The following MAP4K5 variants were observed in gnomAD, a reference collection of about 807,000 sequenced individuals.
MAP4K5 encodes the protein mitogen-activated protein kinase kinase kinase kinase 5.
MAP4K5 carries 82 observed loss-of-function variants against 135.6 expected under a neutral mutation model. The ratio of observed to expected loss-of-function variants is 0.60; its 90% CI spans 0.51 to 0.73. The LOEUF is 0.73. MAP4K5 is among the 30% of genes least tolerant of loss of function. The probability of loss-of-function intolerance (pLI) is 0.00; values close to 1 mark genes in which losing one functional copy is unlikely to be tolerated. For synonymous variants in MAP4K5, 347 were observed against 335.0 expected, an observed-to-expected ratio of 1.04 and a Z score of -0.39; for missense variants, 907 against 1,010.9, an observed-to-expected ratio of 0.90 and a Z score of 1.39.
chr14:50,474,114 C>A (rs979891159), intron 9 of MAP4K5, among the ~76,000 whole-genome samples: 8 of 152,014 alleles, frequency 5.3e-5, no homozygotes, highest in Admixed American at 2.6e-4. Flanking sequence ...ATTAAAGAAT[C>A]CAAATTGGCT....
chr14:50,555,025 G>A (rs891952077), intron 1 of MAP4K5, among the ~76,000 whole-genome samples: 2 of 152,160 alleles, frequency 1.3e-5, no homozygotes, highest in African/African-American at 4.8e-5. Flanking sequence ...TTACATATAC[G>A]GTATATTTAT....
At chr14:50,527,950 G>C (rs1250177153) in intron 2 of MAP4K5, among the ~76,000 whole-genome samples, 2 of 152,148 alleles carry the variant, frequency 1.3e-5, no homozygotes, top group Non-Finnish European at 2.9e-5. Context: ...CAAATGGCTT[G>C]TACTACTGAT....
chr14:50,432,868 G>A lies in MAP4K5; in HGVS notation c.2164+1526C>T, dbSNP rs1053530481. 3.9e-5 allele frequency among the ~76,000 whole-genome samples: 6 copies of A among 151,958 alleles called. No homozygotes were observed. The South Asian group carries it at 6.3e-4, about 16-fold the overall frequency. On this transcript the variant is annotated intron_variant, in intron 28 of 32. Transcript: ENST00000682126. ...TTCTTTTTTTTTGAGACAGAGTTTC[G>A]TTCTTGTTGCCCAGGCTGGAGTGCA...
At chr14:50,454,141 G>A (rs2036550336) in intron 14 of MAP4K5, among the ~76,000 whole-genome samples, 1 of 152,158 alleles carries the variant, frequency 6.6e-6, no homozygotes. Context: ...ACATAAAGTT[G>A]AGTAAAAGAA....
intron 2 of MAP4K5, among the ~76,000 whole-genome samples, chr14:50,505,852 T>C (rs752937141): frequency 4.1e-4 from 62 of 152,330 alleles, no homozygotes; most frequent in South Asian, 6.2e-4. Flanking sequence ...ATGTTACATA[T>C]AGTCTTTTCA....
At chr14:50,542,002 G>T (rs1232978189) in intron 2 of MAP4K5, among the ~76,000 whole-genome samples, 1 of 75,760 alleles carries the variant, frequency 1.3e-5, no homozygotes, top group East Asian at 4.4e-4. Context: ...GCGAGATTCC[G>T]TCTCAAAAAA....
chr14:50,495,673 T>C (rs1303612562), intron 3 of MAP4K5, among the ~76,000 whole-genome samples: 1 of 152,206 alleles, frequency 6.6e-6, no homozygotes, highest in African/African-American at 2.4e-5. Context: ...TTTGACAGAA[T>C]GTCTATTGAC....
intron 10 of MAP4K5, 102 bp from the exon 11 acceptor site, chr14:50,466,747 G>T: frequency 1.7e-6 from 1 of 581,872 alleles, no homozygotes. Context: ...CCACATAAGT[G>T]GACAATGATG....
intron 2 of MAP4K5, among the ~76,000 whole-genome samples, chr14:50,528,018 A>C (rs1169687017): frequency 6.6e-6 from 1 of 152,134 alleles, no homozygotes; most frequent in Non-Finnish European, 1.5e-5. Flanking sequence ...GAGGTAGTTG[A>C]GAATCTAAAT....
intron 1 of MAP4K5, chr14:50,542,731 G>A (rs987836401): frequency 6.6e-6 from 1 of 152,156 alleles, no homozygotes; most frequent in Non-Finnish European, 1.5e-5. Flanking sequence ...TTTATTAATG[G>A]TCTGCATAAT....
At chr14:50,470,584 T>C (rs1156740325) in intron 9 of MAP4K5, among the ~76,000 whole-genome samples, 3 of 151,970 alleles carry the variant, frequency 2.0e-5, no homozygotes, top group African/African-American at 7.3e-5. Context: ...TGAAAAAATA[T>C]GGAAGAAAAC....
chr14:50,529,111 G>A (rs2038329780), intron 2 of MAP4K5, among the ~76,000 whole-genome samples: 2 of 152,204 alleles, frequency 1.3e-5, no homozygotes, highest in South Asian at 2.1e-4. Flanking sequence ...GGCCGGATGT[G>A]GTGGCTCATG....
Position 50,437,492 on chromosome 14 carries a change from G to A in MAP4K5, c.1866C>T (p.Cys622=). The A allele has an allele frequency of 6.2e-7, 1 of 1,601,544 alleles. No individual in the cohort carries two copies. The highest frequency in any genetic ancestry group is 8.5e-7 in the Non-Finnish European group (1 of 1,175,382). Residue 622 remains cysteine (C), a synonymous_variant, in exon 26 of 33, where the codon TGC becomes TGT. Coordinates refer to ENST00000682126, the MANE Select transcript of MAP4K5 (RefSeq NM_006575.6). ...LTTKIPDTKG[C]HKCCIVRNPY... is the part of the protein sequence containing the mutation. ...TTTACTCACCTATGCAACATTTGTGGCAGCCTTTTGTATCAGGAATCTTTG... is the reference window on the plus strand; with the variant it reads ...TTTACTCACCTATGCAACATTTGTGACAGCCTTTTGTATCAGGAATCTTTG...
chr14:50,534,228 C>T (rs1205821146), upstream of MAP4K5, among the ~76,000 whole-genome samples: 2 of 152,080 alleles, frequency 1.3e-5, no homozygotes, highest in African/African-American at 4.8e-5. Flanking sequence ...TCAGGCAGCA[C>T]ACAGAAAACA....
intron 28 of MAP4K5, among the ~76,000 whole-genome samples, chr14:50,430,602 T>C (rs1416185007): frequency 1.3e-5 from 2 of 152,246 alleles, no homozygotes; most frequent in African/African-American, 4.8e-5. Context: ...ACAGGCACCA[T>C]TCAGTAAAAC....
intron 3 of MAP4K5, among the ~76,000 whole-genome samples, chr14:50,498,133 T>C (rs2037633072): frequency 6.6e-6 from 1 of 152,006 alleles, no homozygotes; most frequent in Non-Finnish European, 1.5e-5. Flanking sequence ...AGTTAGATGG[T>C]AGGCTGAAAT....
At chr14:50,423,895 C>G (rs545852199) in intron 31 of MAP4K5, among the ~76,000 whole-genome samples, 4 of 152,270 alleles carry the variant, frequency 2.6e-5, no homozygotes, top group African/African-American at 9.6e-5. Flanking sequence ...CATAAATGCT[C>G]AAGCCTCGTC....
intron 2 of MAP4K5, among the ~76,000 whole-genome samples, chr14:50,520,326 C>T (rs2038122212): frequency 6.6e-6 from 1 of 152,164 alleles, no homozygotes; most frequent in South Asian, 2.1e-4. Context: ...TGGTGAAACC[C>T]CATCTCTACT....
intron 1 of MAP4K5, among the ~76,000 whole-genome samples, chr14:50,551,512 C>G (rs1314157454): frequency 1.3e-5 from 2 of 152,064 alleles, no homozygotes; most frequent in Non-Finnish European, 2.9e-5. Context: ...GGAATCCTCC[C>G]TAAATCATTC....
Sources: allele counts gnomAD v4.1 joint callset (sites outside exome capture counted in the v4.1 genomes callset), GRCh38; gene constraint gnomAD v4.1.1; transcripts MANE v1.5; gene names NCBI Gene and HGNC (gene_info 2026-07-23, HGNC 2026-07-21).